The following LRP5 variants were observed in gnomAD, a reference collection of about 807,000 sequenced individuals.
LRP5 encodes the protein LDL receptor related protein 5.
A neutral mutation model predicts 154.1 loss-of-function variants in LRP5; 62 were observed. That is an observed-to-expected ratio of 0.40 (90% CI 0.33 to 0.50). The LOEUF (loss-of-function observed/expected upper bound fraction) is 0.50. Among genes scored for constraint, LRP5 ranks in the 20% least tolerant of loss-of-function variants. The pLI, the probability that LRP5 is intolerant of heterozygous loss-of-function variation, is 0.55. For synonymous variants in LRP5, 966 were observed against 1,011.5 expected (o/e 0.96, Z 0.85); for missense variants, 1,915 against 2,336.7 (o/e 0.82, Z 3.72).
In LRP5 at chr11:68,423,737, G is replaced by A. The variant is rs543138560; in HGVS notation, c.3236+40G>A. The A allele has an allele frequency of 8.9e-6, 14 of 1,567,170 alleles. No homozygotes were observed. The South Asian group carries it at 1.6e-4, about 17-fold the overall frequency. ...GGTGGGTGGGGGTGCTGCCCGTCCA[G>A]GCGTGCCCGCCGTGTCTTCTGCCGA... On this transcript the variant is annotated intron_variant, in intron 14 of 22. Transcript: ENST00000294304. The surrounding 1 kb of genome is among the most constrained non-coding windows in gnomAD (Gnocchi z 4.7).
intron 5 of LRP5, among the ~76,000 whole-genome samples, chr11:68,374,442 C>G (rs537259719): frequency 6.6e-6 from 1 of 152,160 alleles, no homozygotes; most frequent in African/African-American, 2.4e-5. Flanking sequence ...AGCCATGGAC[C>G]GTGAATTTTT....
intron 14 of LRP5, 82 bp from the exon 15 acceptor site, chr11:68,425,020 G>A: frequency 1.5e-6 from 2 of 1,320,700 alleles, no homozygotes; most frequent in Non-Finnish European, 2.2e-6. Flanking sequence ...GCTTTCCACA[G>A]CCCAGCTGGG....
chr11:68,387,623 G>A (rs1231545040), intron 6 of LRP5, among the ~76,000 whole-genome samples: 1 of 152,184 alleles, frequency 6.6e-6, no homozygotes, highest in African/African-American at 2.4e-5. Context: ...ATAGTTTGTC[G>A]GTCGGTAGGG....
At chr11:68,364,678 A>C (rs2098629953) in intron 4 of LRP5, among the ~76,000 whole-genome samples, 1 of 152,166 alleles carries the variant, frequency 6.6e-6, no homozygotes, top group South Asian at 2.1e-4. Context: ...CCACTCCCAC[A>C]GGGACCAGGG....
At chr11:68,425,922 G>A (rs2098668492) in intron 15 of LRP5, 56 bp from the exon 16 acceptor site, 1 of 1,489,056 alleles carries the variant, frequency 6.7e-7, no homozygotes, top group Non-Finnish European at 9.3e-7. Context: ...CAAGCTGAGT[G>A]TGGGGCAAGT....
At chr11:68,358,641 G>A (rs2086609426) in intron 3 of LRP5, among the ~76,000 whole-genome samples, 2 of 152,222 alleles carry the variant, frequency 1.3e-5, no homozygotes, top group South Asian at 2.1e-4. Context: ...TCACCAGGGG[G>A]CCTTCCACAT....
At chr11:68,363,973 G>T (rs1428263178) in intron 4 of LRP5, 30 bp downstream of exon 4, 3 of 1,428,122 alleles carry the variant, frequency 2.1e-6, no homozygotes, top group African/African-American at 1.4e-5. Flanking sequence ...CGGGGGCGAG[G>T]GTGCGGGGGC....
rs763033294 is a variant in LRP5 at position 68,425,119 on chromosome 11, A to G, written c.3254A>G (p.Asn1085Ser). The G allele has an allele frequency of 2.5e-6, 4 of 1,613,624 alleles. No individual in the cohort carries two copies. In the East Asian group the frequency reaches 8.9e-5, roughly 36 times the overall value. Residue 1085 changes from asparagine (N) to serine (S), a missense_variant, in exon 15 of 23, where the codon AAC (asparagine) becomes AGC (serine). Physicochemically the swap from Asn to Ser is conservative, Grantham distance 46. Coordinates refer to ENST00000294304, the MANE Select transcript of LRP5 (RefSeq NM_002335.4). Reference sequence around the variant, plus strand: ...TCCCGCAGGTACCTGTACTTCACCAACATGCAGGACCGGGCAGCCAAGATC... The same window carrying G: ...TCCCGCAGGTACCTGTACTTCACCAGCATGCAGGACCGGGCAGCCAAGATC... ...NAERGYLYFTNMQDRAAKIER... is the reference protein window; with the variant it reads ...NAERGYLYFTSMQDRAAKIER...
At chr11:68,432,376 C>G (rs1399084263) in intron 17 of LRP5, among the ~76,000 whole-genome samples, 1 of 152,216 alleles carries the variant, frequency 6.6e-6, no homozygotes, top group Non-Finnish European at 1.5e-5. Context: ...GTTGGCTCCT[C>G]TCAGCCGTCG....
In LRP5 at chr11:68,404,843, G is replaced by A. The variant is rs374321782; in HGVS notation, c.1801+1144G>A. On this transcript the variant is annotated intron_variant, in intron 8 of 22. Transcript: ENST00000294304. ...AAATTAGCCGGGTGCGGTGGCAGGC[G>A]CCTGTAGTCCCAGCTACTCGGGAGG... is the stretch of plus-strand genomic sequence containing the variant. Among the ~76,000 whole-genome samples, 8 of 151,830 alleles carry A rather than the reference G, an allele frequency of 5.3e-5. No homozygotes were observed. In the South Asian group the frequency reaches 6.3e-4, roughly 12 times the overall value.
intron 1 of LRP5, among the ~76,000 whole-genome samples, chr11:68,330,797 C>T (rs1386253634): frequency 1.3e-5 from 2 of 152,238 alleles, no homozygotes; most frequent in Non-Finnish European, 2.9e-5. Flanking sequence ...CAGGCAAGCC[C>T]TTCACCCTGA....
intron 18 of LRP5, among the ~76,000 whole-genome samples, chr11:68,435,167 G>A (rs544807284): frequency 2.0e-5 from 3 of 152,326 alleles, no homozygotes; most frequent in African/African-American, 4.8e-5. Context: ...CAGACCTCAC[G>A]TCTGGCCCTT....
At chr11:68,445,478 G>GAAAA in intron 21 of LRP5, 1 of 551,404 alleles carries the variant, frequency 1.8e-6, no homozygotes, top group Non-Finnish European at 3.0e-6. Flanking sequence ...GGGTCTGTCT[G>GAAAA]GCGTGAAAGG....
In LRP5 at chr11:68,357,727, T is replaced by C. The variant is rs1268454003; in HGVS notation, c.566T>C (p.Ile189Thr). The change falls in exon 3 of 23, where the codon ATT (isoleucine) becomes ACT (threonine). Residue 189 changes from isoleucine to threonine, a missense_variant. This residue lies in a region of LRP5 where 773 missense variants were observed against 1,100.9 expected (regional missense o/e 0.70). Coordinates refer to ENST00000294304, the MANE Select transcript of LRP5 (RefSeq NM_002335.4). The part of the protein sequence containing the change: ...AGMDGSTRKI[I>T]VDSDIYWPNG... ...ATGGATGGCAGCACCCGGAAGATCA[T>C]TGTGGACTCGGACATTTACTGGCCC... 5.0e-6 allele frequency: 8 copies of C among 1,614,044 alleles called. No homozygotes were observed. Among genetic ancestry groups the C allele is most frequent in the African/African-American group, 4.0e-5 (3 of 74,912 alleles).
intron 8 of LRP5, chr11:68,404,334 A>G (rs2098654320): frequency 5.7e-6 from 3 of 529,852 alleles, no homozygotes; most frequent in South Asian, 4.6e-5. Flanking sequence ...CCTGCTTGTC[A>G]GAGGCACTCA....
At chr11:68,314,312 C>A (rs1483970410) in intron 1 of LRP5, among the ~76,000 whole-genome samples, 1 of 151,946 alleles carries the variant, frequency 6.6e-6, no homozygotes, top group East Asian at 1.9e-4. Flanking sequence ...GGTTCGAGCC[C>A]CTGAGGAGAA....
At position 68,433,913 on chromosome 11, in the gene LRP5, G is replaced by T. The variant is rs150717018; in HGVS notation, c.4000+75G>T. 2.1e-6 allele frequency: 3 copies of T among 1,400,980 alleles called. No homozygotes were observed. The Admixed American group carries it at 5.7e-5, about 27-fold the overall frequency. 86.8% of individuals were successfully genotyped at this position (1,400,980 alleles called of 1,614,324 possible). A position where few individuals can be genotyped will look rare whatever the true frequency, so the allele number is the denominator to read the frequency against. On this transcript the variant is annotated intron_variant, in intron 18 of 22. Coordinates refer to ENST00000294304, the MANE Select transcript of LRP5 (RefSeq NM_002335.4). ...GGGATACGAGCTTGGGGCTGCCTCC[G>T]GCCTCACAGGAGTAGGGGCTCTGAA...
chr11:68,382,754 T>G (rs2098640927), intron 5 of LRP5, among the ~76,000 whole-genome samples: 1 of 152,206 alleles, frequency 6.6e-6, no homozygotes, highest in Non-Finnish European at 1.5e-5. Context: ...GCTTTCCTCT[T>G]GCGGCTGTGT....
rs570760832 is a variant in LRP5, at chr11:68,344,048, G to A, written c.92-3799G>A. 7.2e-5 allele frequency among the ~76,000 whole-genome samples: 11 copies of A among 152,154 alleles called. No individual in the cohort carries two copies. The South Asian group carries it at 1.2e-3, about 17-fold the overall frequency. On this transcript the variant is annotated intron_variant, in intron 1 of 22. Coordinates refer to ENST00000294304, the MANE Select transcript of LRP5 (RefSeq NM_002335.4). ...CCAGAGCAGCTGCCTTCCCCCGCCC[G>A]AGGGACTTCACCCGCAGCCCAGTCA...
Sources: gnomAD v4.1 joint callset for allele counts (sites outside exome capture counted in the v4.1 genomes callset) on GRCh38, gnomAD v4.1.1 for gene constraint, gnomAD v4.1.1 regional missense constraint, Gnocchi (gnomAD v3.1) non-coding constraint, MANE v1.5 for transcripts, NCBI Gene and HGNC (gene_info 2026-07-23, HGNC 2026-07-21) for gene names.